NEK7: variants seen among roughly 807,000 people sequenced by gnomAD.
The protein encoded by NEK7 is serine/threonine-protein kinase Nek7.
In NEK7, 18 loss-of-function variants were observed where a neutral mutation model predicts 44.6. The observed-to-expected ratio is 0.40, with a 90% confidence interval of 0.28 to 0.60. The LOEUF (loss-of-function observed/expected upper bound fraction) is 0.60, where lower values mean the gene tolerates loss of function less well. Among genes scored for constraint, NEK7 ranks in the 20% least tolerant of loss-of-function variants. NEK7 has a pLI of 0.38. For synonymous variants in NEK7, 130 were observed against 121.1 expected, an observed-to-expected ratio of 1.07 and a Z score of -0.48; for missense variants, 256 against 366.5, an observed-to-expected ratio of 0.70 and a Z score of 2.46.
At chr1:198,208,691 A>C (rs1665668536) in intron 1 of NEK7, 1 of 152,180 alleles carries the variant, frequency 6.6e-6, no homozygotes, top group South Asian at 2.1e-4. Flanking sequence ...TTGTCAATTA[A>C]GATAATTTTA....
intron 1 of NEK7, among the ~76,000 whole-genome samples, chr1:198,211,780 C>G (rs1665779062): frequency 1.3e-5 from 2 of 152,072 alleles, no homozygotes; most frequent in African/African-American, 4.8e-5. Flanking sequence ...AAAGACAAAA[C>G]TGTGTGTAAA....
chr1:198,215,918 C>A (rs1665905613), intron 1 of NEK7, among the ~76,000 whole-genome samples: 1 of 151,956 alleles, frequency 6.6e-6, no homozygotes, highest in South Asian at 2.1e-4. Context: ...TAAAGCAATA[C>A]CACTAGATTA....
At chr1:198,173,144 G>A (rs1265450516) in intron 1 of NEK7, among the ~76,000 whole-genome samples, 3 of 152,072 alleles carry the variant, frequency 2.0e-5, no homozygotes, top group Non-Finnish European at 2.9e-5. Context: ...TAAAAGTGCA[G>A]TTTTTCGGAT....
chr1:198,250,009 T>A (rs1040269406), intron 2 of NEK7, among the ~76,000 whole-genome samples: 7 of 141,296 alleles, frequency 5.0e-5, no homozygotes, highest in Non-Finnish European at 1.1e-4. Flanking sequence ...TTTTATGGTT[T>A]TAGGTCTAAC....
intron 2 of NEK7, among the ~76,000 whole-genome samples, chr1:198,234,878 G>A (rs1666502989): frequency 6.6e-6 from 1 of 152,194 alleles, no homozygotes; most frequent in Non-Finnish European, 1.5e-5. Flanking sequence ...GATGGTGTGA[G>A]ACAGTGTAAG....
intron 9 of NEK7, among the ~76,000 whole-genome samples, chr1:198,301,245 G>A (rs1228785621): frequency 1.3e-5 from 2 of 152,194 alleles, no homozygotes; most frequent in Non-Finnish European, 2.9e-5. Context: ...GTGCCTCAGT[G>A]GTTGCTTTAG....
chr1:198,251,254 G>C (rs1416203364), intron 2 of NEK7, among the ~76,000 whole-genome samples: 3 of 151,808 alleles, frequency 2.0e-5, no homozygotes, highest in African/African-American at 7.3e-5. Context: ...TAAGCTTTTT[G>C]ATGTGCTGCT....
At chr1:198,273,577 C>T (rs892188377) in intron 5 of NEK7, among the ~76,000 whole-genome samples, 1 of 151,578 alleles carries the variant, frequency 6.6e-6, no homozygotes, top group African/African-American at 2.4e-5. Flanking sequence ...ATTATAATTA[C>T]AATGCTGTGT....
chr1:198,172,800 C>CA, intron 1 of NEK7, among the ~76,000 whole-genome samples: 1 of 151,084 alleles, frequency 6.6e-6, no homozygotes, highest in Non-Finnish European at 1.5e-5. Flanking sequence ...ATATTAACCA[C>CA]ATCAGCTTAG....
At chr1:198,191,096 C>G (rs1001959907) in intron 1 of NEK7, among the ~76,000 whole-genome samples, 5 of 151,930 alleles carry the variant, frequency 3.3e-5, no homozygotes, top group Non-Finnish European at 7.4e-5. Context: ...TCAAGGGGTC[C>G]TAGGCCTTTA....
intron 9 of NEK7, among the ~76,000 whole-genome samples, chr1:198,308,855 T>C (rs1332528110): frequency 1.3e-5 from 2 of 152,116 alleles, no homozygotes; most frequent in African/African-American, 4.8e-5. Flanking sequence ...CCCTTTTATA[T>C]ATTAAGATTA....
intron 1 of NEK7, among the ~76,000 whole-genome samples, chr1:198,191,784 A>G (rs981348453): frequency 3.3e-5 from 5 of 152,076 alleles, no homozygotes; most frequent in Non-Finnish European, 7.4e-5. Context: ...TCTGCTCTGT[A>G]TAGTACAAGG....
chr1:198,200,195 T>G (rs561943208), intron 1 of NEK7, among the ~76,000 whole-genome samples: 2 of 152,338 alleles, frequency 1.3e-5, no homozygotes, highest in East Asian at 3.9e-4. Flanking sequence ...TTCAGATTTC[T>G]GAGAAATTCT....
chr1:198,306,586 G>A (rs573134176), intron 9 of NEK7, among the ~76,000 whole-genome samples: 1 of 152,078 alleles, frequency 6.6e-6, no homozygotes, highest in South Asian at 2.1e-4. Flanking sequence ...ATAACTCTAC[G>A]ATCTTAAAGT....
In NEK7 at chr1:198,317,885, T is replaced by TTTTTG. The variant is rs1553258441; in HGVS notation, c.799-1523_799-1522insGTTTT. On this transcript the variant is annotated intron_variant, in intron 9 of 9. Coordinates refer to ENST00000367385, the MANE Select transcript of NEK7 (RefSeq NM_133494.3). ...TATTACTGGATATATTTATTTTTTT[T>TTTTTG]TTTTTTTTTTTTTTTGGTAACCTGG... 1.6e-3 allele frequency among the ~76,000 whole-genome samples: 229 copies of TTTTTG among 144,522 alleles called. 10 individuals are homozygous for TTTTTG. In the East Asian group the frequency reaches 0.022, roughly 14 times the overall value. 94.8% of individuals were successfully genotyped at this position (144,522 alleles called of 152,430 possible).
chr1:198,158,127 G>A (rs1400264044), intron 1 of NEK7, among the ~76,000 whole-genome samples: 2 of 152,138 alleles, frequency 1.3e-5, no homozygotes, highest in Non-Finnish European at 2.9e-5. Context: ...CACTGGGAGC[G>A]TACTGGGGTC....
At chr1:198,240,713 G>A (rs945489455) in intron 2 of NEK7, among the ~76,000 whole-genome samples, 1 of 152,044 alleles carries the variant, frequency 6.6e-6, no homozygotes, top group Admixed American at 6.6e-5. Context: ...TTCTTGAGAC[G>A]GAGTCCTGCT....
intron 2 of NEK7, chr1:198,245,476 A>T (rs921477463): frequency 2.5e-5 from 4 of 160,636 alleles, no homozygotes; most frequent in African/African-American, 9.6e-5. Flanking sequence ...AAGAGCTGAC[A>T]TGGAACTGAA....
intron 9 of NEK7, among the ~76,000 whole-genome samples, chr1:198,313,601 T>C (rs1224628350): frequency 2.7e-4 from 38 of 138,290 alleles, no homozygotes; most frequent in Non-Finnish European, 4.4e-4. Context: ...CCATGTTTAG[T>C]GCTTCCTTCA....
Sources: allele counts gnomAD v4.1 joint callset (sites outside exome capture counted in the v4.1 genomes callset), GRCh38; gene constraint gnomAD v4.1.1; transcripts MANE v1.5; gene names NCBI Gene and HGNC (gene_info 2026-07-23, HGNC 2026-07-21).